DDIAS: variants seen among roughly 807,000 people sequenced by gnomAD.
DDIAS encodes the protein DNA damage-induced apoptosis suppressor protein.
A neutral mutation model predicts 15.7 loss-of-function variants in DDIAS; 14 were observed. That is an observed-to-expected ratio of 0.89 (90% CI 0.59 to 1.39). The LOEUF is 1.39. DDIAS is among the 40% of genes most tolerant of loss of function. The pLI is 0.00. For synonymous variants in DDIAS, 355 were observed against 395.9 expected (o/e 0.90, Z 1.23); for missense variants, 1,035 against 1,130.9 (o/e 0.92, Z 1.22).
intron 3 of DDIAS, among the ~76,000 whole-genome samples, chr11:82,922,130 C>T (rs1200655051): frequency 6.6e-6 from 1 of 152,132 alleles, no homozygotes; most frequent in Non-Finnish European, 1.5e-5. Context: ...TTCTGTCTCA[C>T]AACTCTTAAG....
intron 5 of DDIAS, among the ~76,000 whole-genome samples, chr11:82,930,975 T>TCCTCCCCTTTTTCC (rs1213420558): frequency 6.6e-6 from 1 of 152,090 alleles, no homozygotes; most frequent in Admixed American, 6.5e-5. Context: ...TTCTTTTTCC[T>TCCTCCCCTTTTTCC]CCTCCCCTTT....
chr11:82,908,518 G>T (rs959092177), intron 1 of DDIAS, among the ~76,000 whole-genome samples: 13 of 152,222 alleles, frequency 8.5e-5, no homozygotes, highest in Non-Finnish European at 1.9e-4. Flanking sequence ...CAATGCCTTT[G>T]TTGACATAAC....
At chr11:82,925,658 G>A (rs1860843650) in intron 3 of DDIAS, among the ~76,000 whole-genome samples, 1 of 152,034 alleles carries the variant, frequency 6.6e-6, no homozygotes, top group Admixed American at 6.6e-5. Flanking sequence ...TGGATCTAAT[G>A]TACAGCTTGA....
Position 82,929,363 on chromosome 11 carries a change from G to C in DDIAS, c.275+425G>C, listed in dbSNP as rs1049969108. Among the ~76,000 whole-genome samples, 3 of 152,174 alleles carry C rather than the reference G, an allele frequency of 2.0e-5. No homozygotes were observed. The East Asian group carries it at 5.8e-4, about 29-fold the overall frequency. On this transcript the variant is annotated intron_variant, in intron 4 of 5. Transcript: ENST00000533655. ...TCTGTATTGCAATTTAATTTGCATA[G>C]TTTGACCTTTTACGACATTGTCCTG...
chr11:82,919,403 T>C (rs763521228), intron 3 of DDIAS, among the ~76,000 whole-genome samples: 6 of 152,364 alleles, frequency 3.9e-5, no homozygotes, highest in East Asian at 1.9e-4. Context: ...ATCACACTTA[T>C]TGACTTATGT....
At chr11:82,914,485 GA>G (rs1446496351) in intron 2 of DDIAS, among the ~76,000 whole-genome samples, 20 of 152,182 alleles carry the variant, frequency 1.3e-4, no homozygotes, top group African/African-American at 4.6e-4. Context: ...CATTTATTAA[GA>G]AACAGGATAC....
chr11:82,926,560 T>C (rs1281863954), intron 3 of DDIAS, among the ~76,000 whole-genome samples: 1 of 152,208 alleles, frequency 6.6e-6, no homozygotes, highest in African/African-American at 2.4e-5. Context: ...AGAAGTTAAA[T>C]CGGGACGGTG....
chr11:82,902,339 C>G (rs1187327315), intron 1 of DDIAS, among the ~76,000 whole-genome samples: 1 of 152,198 alleles, frequency 6.6e-6, no homozygotes, highest in East Asian at 1.9e-4. Context: ...TTTTTACTGA[C>G]ATTATTTTGG....
chr11:82,916,900 T>C (rs1193204156), intron 3 of DDIAS, among the ~76,000 whole-genome samples: 3 of 152,308 alleles, frequency 2.0e-5, no homozygotes, highest in Admixed American at 2.0e-4. Context: ...GAATTCTGTC[T>C]ACCTTCATAG....
Position 82,931,731 on chromosome 11 carries a change from G to C in DDIAS, c.394-1G>C, listed in dbSNP as rs771075576. ...CTTAAATTTCTTTGCTTCTTTCACA[G>C]AATTTTGAAAACCAACCTGGACAAG... On this transcript the variant is annotated splice_acceptor_variant, in intron 5 of 5. Transcript: ENST00000533655. LOFTEE classifies it high-confidence loss of function. 6.4e-7 allele frequency: 1 copy of C among 1,569,582 alleles called. No individual in the cohort carries two copies. The highest frequency in any genetic ancestry group is 1.2e-5 in the South Asian group (1 of 84,586).
At chr11:82,913,229 A>G (rs1441967621) in intron 1 of DDIAS, 58 bp from the exon 2 acceptor site, 1 of 152,472 alleles carries the variant, frequency 6.6e-6, no homozygotes, top group African/African-American at 2.4e-5. Context: ...GCATAATAAA[A>G]TGAGGTGTGT....
intron 3 of DDIAS, among the ~76,000 whole-genome samples, chr11:82,920,567 G>A (rs1860724780): frequency 6.6e-6 from 1 of 151,996 alleles, no homozygotes; most frequent in Admixed American, 6.6e-5. Context: ...GGTTTTGATA[G>A]GTTGTGTCAT....
At chr11:82,916,786 C>G (rs1292547258) in intron 3 of DDIAS, among the ~76,000 whole-genome samples, 1 of 152,118 alleles carries the variant, frequency 6.6e-6, no homozygotes, top group Non-Finnish European at 1.5e-5. Context: ...TAATGCCAAC[C>G]TTTAAAGGAG....
chr11:82,910,704 C>T (rs1725011701), intron 1 of DDIAS, among the ~76,000 whole-genome samples: 1 of 148,802 alleles, frequency 6.7e-6, no homozygotes. Context: ...CAGTCTTTAC[C>T]TCCTGGGCTC....
At chr11:82,916,837 C>T (rs949590500) in intron 3 of DDIAS, among the ~76,000 whole-genome samples, 6 of 152,182 alleles carry the variant, frequency 3.9e-5, no homozygotes, top group African/African-American at 1.4e-4. Context: ...TACCGCAAAT[C>T]ATCACACAGC....
chr11:82,911,541 A>G (rs947764802), intron 1 of DDIAS, among the ~76,000 whole-genome samples: 2 of 152,184 alleles, frequency 1.3e-5, no homozygotes, highest in Non-Finnish European at 2.9e-5. Flanking sequence ...TCCACTTTTT[A>G]ATTCTAGATC....
intron 1 of DDIAS, 87 bp from the exon 2 acceptor site, chr11:82,913,200 T>G (rs1860560073): frequency 6.6e-6 from 1 of 152,244 alleles, no homozygotes; most frequent in Non-Finnish European, 1.5e-5. Context: ...GTAATATCTG[T>G]GAAGCATAAT....
rs1342591670 is a variant in DDIAS at position 82,933,686 on chromosome 11, C to T, written c.2348C>T (p.Thr783Ile). The stretch of plus-strand genomic sequence containing the variant: ...ACTCCAATTTCAGGGTTCCACCAAA[C>T]AAGAATTCATGGGATAAACAGAGCT... ...QSTPISGFHQ[T>I]RIHGINRAFK... The change falls in exon 6 of 6, where the codon ACA (threonine) becomes ATA (isoleucine). Residue 783 changes from threonine (T) to isoleucine (I), a missense_variant. Coordinates refer to ENST00000533655, the MANE Select transcript of DDIAS (RefSeq NM_145018.4). 6.2e-6 allele frequency: 10 copies of T among 1,614,064 alleles called. No homozygotes were observed. Among genetic ancestry groups the T allele is most frequent in the South Asian group, 5.5e-5 (5 of 91,070 alleles).
At chr11:82,919,966 G>A (rs185115201) in intron 3 of DDIAS, among the ~76,000 whole-genome samples, 4 of 152,204 alleles carry the variant, frequency 2.6e-5, no homozygotes, top group Admixed American at 2.0e-4. Flanking sequence ...CTCATGATCC[G>A]CCCACCTCAG....
Sources: gnomAD v4.1 joint callset for allele counts (sites outside exome capture counted in the v4.1 genomes callset) on GRCh38, gnomAD v4.1.1 for gene constraint, MANE v1.5 for transcripts, NCBI Gene and HGNC (gene_info 2026-07-23, HGNC 2026-07-21) for gene names.